LPCAT1: variants seen among roughly 807,000 people sequenced by gnomAD.
LPCAT1 encodes 1-acylglycerol-3-phosphate O-acyltransferase.
In LPCAT1, 23 loss-of-function variants were observed where a neutral mutation model predicts 60.9. The observed-to-expected ratio is 0.38, with a 90% CI of 0.27 to 0.53. The LOEUF (loss-of-function observed/expected upper bound fraction) is 0.53, where lower values mean the gene tolerates loss of function less well. LPCAT1 is among the 20% of genes least tolerant of loss of function. LPCAT1 has a pLI of 0.82. For missense variants in LPCAT1, 622 were observed against 723.6 expected, an observed-to-expected ratio of 0.86 and a Z score of 1.61; for synonymous variants, 340 against 301.1, an observed-to-expected ratio of 1.13 and a Z score of -1.34.
chr5:1,511,266 G>A (rs779039149), intron 1 of LPCAT1, among the ~76,000 whole-genome samples: 3 of 152,192 alleles, frequency 2.0e-5, no homozygotes, highest in South Asian at 2.1e-4. Flanking sequence ...TCCCCGGCGC[G>A]CGCTGTTTGT....
In LPCAT1 at chr5:1,481,438, G is replaced by A. The variant is rs905789477; in HGVS notation, c.727-462C>T. On this transcript the variant is annotated intron_variant, in intron 6 of 13. Transcript: ENST00000283415. This position sits in a 1 kb window ranked among gnomAD's most constrained non-coding sequence, Gnocchi z 7.8. The stretch of plus-strand genomic sequence containing the variant: ...CTGCTCTGAGTGTTCCCCCAACCAC[G>A]GTGCATGTGCAGGGCCCCCCCACCC... Among the ~76,000 whole-genome samples the A allele has an allele frequency of 6.6e-6, 1 of 152,160 alleles. No homozygotes were observed. The highest frequency in any genetic ancestry group is 2.4e-5 in the African/African-American group (1 of 41,438).
intron 5 of LPCAT1, among the ~76,000 whole-genome samples, chr5:1,484,921 G>A (rs764029604): frequency 1.1e-4 from 16 of 152,318 alleles, no homozygotes; most frequent in Non-Finnish European, 1.5e-4. Flanking sequence ...CCAGGTGGAC[G>A]GGTGGCTGTG....
At chr5:1,482,666 G>A (rs1465690377) in intron 6 of LPCAT1, among the ~76,000 whole-genome samples, 5 of 104,990 alleles carry the variant, frequency 4.8e-5, no homozygotes, top group African/African-American at 1.8e-4. Flanking sequence ...GGGCTGGGAT[G>A]GGGGGAGTAG....
At chr5:1,468,369 T>A (rs1734526638) in intron 12 of LPCAT1, among the ~76,000 whole-genome samples, 1 of 152,112 alleles carries the variant, frequency 6.6e-6, no homozygotes, top group East Asian at 1.9e-4. Flanking sequence ...ACGGGCCGGG[T>A]CAAAGCTTCA....
In LPCAT1 at chr5:1,463,614, A is replaced by G. The variant is rs1734197846; in HGVS notation, c.*37T>C. On this transcript the variant is annotated 3_prime_UTR_variant, in exon 14 of 14. Transcript: ENST00000283415. Reference sequence around the variant, plus strand: ...AAAGAGGCTCATGGCGGTGATGTCCACGCGGGAGGGGCCGCGTCTCTCCGC... The same window carrying G: ...AAAGAGGCTCATGGCGGTGATGTCCGCGCGGGAGGGGCCGCGTCTCTCCGC... The G allele has an allele frequency of 6.2e-7, 1 of 1,607,078 alleles. No homozygotes were observed. Among genetic ancestry groups the G allele is most frequent in the Non-Finnish European group, 8.5e-7 (1 of 1,176,454 alleles).
intron 11 of LPCAT1, 100 bp downstream of exon 11, chr5:1,473,857 A>G (rs377159349): frequency 1.4e-6 from 2 of 1,440,248 alleles, no homozygotes; most frequent in African/African-American, 2.9e-5. Context: ...TCTGCTTTCA[A>G]ATTCATGTGA....
At chr5:1,464,993 GCA>G (rs975590418) in intron 13 of LPCAT1, among the ~76,000 whole-genome samples, 12 of 145,048 alleles carry the variant, frequency 8.3e-5, no homozygotes, top group African/African-American at 2.9e-4. Flanking sequence ...ACAAGTGCAG[GCA>G]CACAATAACA....
chr5:1,472,956 A>G (rs456027), intron 11 of LPCAT1, among the ~76,000 whole-genome samples: 120,148 of 152,024 alleles, frequency 0.79, 48,012 homozygotes, highest in African/African-American at 0.91. Context: ...CTTGCGGGGC[A>G]GCCTCCTTCC....
At chr5:1,474,790 G>A in intron 9 of LPCAT1, 105 bp from the exon 10 acceptor site, 3 of 1,425,702 alleles carry the variant, frequency 2.1e-6, no homozygotes, top group Non-Finnish European at 2.8e-6. Context: ...GGGCTGAGGA[G>A]AGGCAGTGAG....
intron 1 of LPCAT1, among the ~76,000 whole-genome samples, chr5:1,516,632 CT>C (rs56874119): frequency 0.011 from 1,550 of 146,412 alleles, 25 homozygotes; most frequent in African/African-American, 0.031. Flanking sequence ...TCTTTCTTTC[CT>C]TTTTTTTTTT....
Position 1,480,919 on chromosome 5 carries a change from G to C in LPCAT1, c.761+23C>G, listed in dbSNP as rs2126523371. 3.1e-6 allele frequency: 5 copies of C among 1,613,762 alleles called. No individual in the cohort carries two copies. The East Asian group carries it at 8.9e-5, about 29-fold the overall frequency. Reference sequence around the variant, plus strand: ...TGTTCATGGAACAACAGGACAAAGAGGACGACACGGCGTTCAACTTACGCT... The same window carrying C: ...TGTTCATGGAACAACAGGACAAAGACGACGACACGGCGTTCAACTTACGCT... On this transcript the variant is annotated intron_variant, in intron 7 of 13. Transcript: ENST00000283415. This position sits in a 1 kb window ranked among gnomAD's most constrained non-coding sequence, Gnocchi z 6.4.
chr5:1,463,666 G>A lies in LPCAT1; in HGVS notation c.1590C>T (p.Arg530=). The A allele has an allele frequency of 6.2e-7, 1 of 1,614,180 alleles. No homozygotes were observed. Among genetic ancestry groups the A allele is most frequent in the South Asian group, 1.1e-5 (1 of 91,090 alleles). Reference sequence around the variant, plus strand: ...ACCCTGGGTCCTAATCCAGCTTCTTGCGAACAGGCTTCCGCCCAGCGTCTG... The same window carrying A: ...ACCCTGGGTCCTAATCCAGCTTCTTACGAACAGGCTTCCGCCCAGCGTCTG... ...ENSDAGRKPV[R]KKLD is the part of the protein sequence containing the mutation. The change falls in exon 14 of 14, where the codon CGC becomes CGT. Residue 530 remains arginine (R), a synonymous_variant. Coordinates refer to ENST00000283415, the MANE Select transcript of LPCAT1 (RefSeq NM_024830.5).
intron 1 of LPCAT1, among the ~76,000 whole-genome samples, chr5:1,511,536 C>T (rs1263120672): frequency 2.6e-5 from 4 of 151,230 alleles, no homozygotes; most frequent in Non-Finnish European, 4.4e-5. Flanking sequence ...CTGCTCACCT[C>T]GCTCACCCTA....
intron 8 of LPCAT1, 62 bp downstream of exon 8, chr5:1,479,559 G>T (rs1462240595): frequency 1.8e-5 from 22 of 1,198,394 alleles, no homozygotes; most frequent in Non-Finnish European, 2.7e-5. Flanking sequence ...GCATCCTGGT[G>T]TAAGCTCGTG....
rs1735146675 is a variant in LPCAT1, at chr5:1,481,630, T to G, written c.727-654A>C. On this transcript the variant is annotated intron_variant, in intron 6 of 13. Transcript: ENST00000283415. This position sits in a 1 kb window ranked among gnomAD's most constrained non-coding sequence, Gnocchi z 7.8. ...TGCATCCAGTAATAGTGTGTTGCTTTAAACACACTGATGAAACAATCTTAA... is the reference window on the plus strand; with the variant it reads ...TGCATCCAGTAATAGTGTGTTGCTTGAAACACACTGATGAAACAATCTTAA... Among the ~76,000 whole-genome samples the G allele has an allele frequency of 6.6e-6, 1 of 152,272 alleles. No individual in the cohort carries two copies. The highest frequency in any genetic ancestry group is 1.5e-5 in the Non-Finnish European group (1 of 68,052).
At chr5:1,484,009 T>TTA (rs1459695865) in intron 5 of LPCAT1, among the ~76,000 whole-genome samples, 1 of 152,208 alleles carries the variant, frequency 6.6e-6, no homozygotes, top group Non-Finnish European at 1.5e-5. Context: ...CCTGACGGGG[T>TTA]TAGGGTCTGC....
intron 9 of LPCAT1, among the ~76,000 whole-genome samples, chr5:1,475,913 G>A (rs34272519): frequency 1.8e-4 from 27 of 151,578 alleles, no homozygotes; most frequent in African/African-American, 5.8e-4. Context: ...AGGAGTCCGA[G>A]GCTGCTTCTC....
intron 12 of LPCAT1, 126 bp from the exon 13 acceptor site, chr5:1,467,016 C>A: frequency 9.3e-7 from 1 of 1,077,174 alleles, no homozygotes; most frequent in South Asian, 3.3e-5. Context: ...GGGCCGGCGG[C>A]TGGACACGGG....
chr5:1,490,870 C>T (rs1735551387), intron 3 of LPCAT1, among the ~76,000 whole-genome samples: 1 of 152,144 alleles, frequency 6.6e-6, no homozygotes, highest in Admixed American at 6.5e-5. Context: ...AGGATCCACA[C>T]TCGGCGCCCC....
Sources: gnomAD v4.1 joint callset for allele counts (sites outside exome capture counted in the v4.1 genomes callset) on GRCh38, gnomAD v4.1.1 for gene constraint, Gnocchi (gnomAD v3.1) non-coding constraint, MANE v1.5 for transcripts, NCBI Gene and HGNC (gene_info 2026-07-23, HGNC 2026-07-21) for gene names.